The following COL6A3 variants were observed in gnomAD, a reference collection of about 807,000 sequenced individuals.
The protein encoded by COL6A3 is collagen alpha-3(VI) chain.
A neutral mutation model predicts 274.1 loss-of-function variants in COL6A3; 137 were observed. That is an observed-to-expected ratio of 0.50 (90% CI 0.44 to 0.58). The LOEUF is 0.58. COL6A3 is among the 20% of genes least tolerant of loss of function. The pLI is 0.00. For synonymous variants in COL6A3, 1,650 were observed against 1,650.6 expected, an observed-to-expected ratio of 1.00 and a Z score of 0.01; for missense variants, 3,950 against 4,124.9, an observed-to-expected ratio of 0.96 and a Z score of 1.16.
chr2:237,341,234 G>T, intron 37 of COL6A3, 84 bp from the exon 38 acceptor site: 2 of 1,324,032 alleles, frequency 1.5e-6, no homozygotes, highest in Non-Finnish European at 2.2e-6. Context: ...AGACTTGGGC[G>T]ATTAAAATGA....
chr2:237,394,783 G>A lies in COL6A3; in HGVS notation c.513C>T (p.Asn171=), dbSNP rs1205723503. ...CATCCTCAACTCCAATTGCAAACAC[G>A]TTAACATCAGCAGACTTAAGTTCCG... The part of the protein sequence containing the change: ...PSAELKSADV[N]VFAIGVEDAD... The change falls in exon 3 of 44, where the codon AAC becomes AAT. Residue 171 remains asparagine, a synonymous_variant. Coordinates refer to ENST00000295550, the MANE Select transcript of COL6A3 (RefSeq NM_004369.4). The A allele has an allele frequency of 1.7e-5, 28 of 1,614,030 alleles. No homozygotes were observed. Among genetic ancestry groups the A allele is most frequent in the East Asian group, 4.5e-5 (2 of 44,900 alleles).
chr2:237,394,662 T>C lies in COL6A3; in HGVS notation c.634A>G (p.Asn212Asp). Residue 212 changes from asparagine to aspartate, a missense_variant, in exon 3 of 44, where the codon AAC becomes GAC. By Grantham distance (23) the Asn-to-Asp change is conservative (BLOSUM62 1). Transcript: ENST00000295550. Reference protein sequence around the residue: ...NFTSLHDIVGNLVSCVHSSVS... With the variant: ...NFTSLHDIVGDLVSCVHSSVS... ...GATGAATGCACACAGGACACTAAGTTTCCTACTATGTCATGAAGTGAGGTA... is the reference window on the plus strand; with the variant it reads ...GATGAATGCACACAGGACACTAAGTCTCCTACTATGTCATGAAGTGAGGTA... The C allele has an allele frequency of 6.2e-7, 1 of 1,614,198 alleles. No individual in the cohort carries two copies. Among genetic ancestry groups the C allele is most frequent in the East Asian group, 2.2e-5 (1 of 44,882 alleles).
intron 39 of COL6A3, 40 bp from the exon 40 acceptor site, chr2:237,336,572 C>T: frequency 1.2e-6 from 2 of 1,601,894 alleles, no homozygotes; most frequent in East Asian, 2.2e-5. Context: ...CTTTTACCTG[C>T]TATCTAAAAT....
intron 1 of COL6A3, among the ~76,000 whole-genome samples, chr2:237,403,228 C>A (rs758118805): frequency 1.3e-5 from 2 of 152,100 alleles, no homozygotes; most frequent in Admixed American, 6.5e-5. Flanking sequence ...CCAAATCTTG[C>A]GGCCCAGCTA....
At chr2:237,354,826 T>C in intron 24 of COL6A3, 73 bp downstream of exon 24, 1 of 1,333,770 alleles carries the variant, frequency 7.5e-7, no homozygotes, top group Non-Finnish European at 1.0e-6. Flanking sequence ...GGAGAGAGTG[T>C]TTTTCACTCC....
intron 43 of COL6A3, among the ~76,000 whole-genome samples, chr2:237,325,202 A>G (rs1699877559): frequency 6.6e-6 from 1 of 152,254 alleles, no homozygotes; most frequent in South Asian, 2.1e-4. Context: ...TGTTATTTAT[A>G]GGAAGCAAAA....
At chr2:237,378,585 G>A (rs778222679) in intron 6 of COL6A3, 51 bp downstream of exon 6, 3 of 1,611,806 alleles carry the variant, frequency 1.9e-6, no homozygotes, top group East Asian at 2.2e-5. Context: ...CTACCCTCCA[G>A]GGTGGTGTCT....
intron 20 of COL6A3, 61 bp from the exon 21 acceptor site, chr2:237,358,644 A>G (rs1274453432): frequency 2.9e-6 from 4 of 1,392,290 alleles, no homozygotes; most frequent in Non-Finnish European, 4.1e-6. Context: ...TCTCACCCTA[A>G]AAATCACATT....
intron 4 of COL6A3, among the ~76,000 whole-genome samples, chr2:237,385,614 CAT>C (rs906471151): frequency 1.3e-5 from 2 of 152,206 alleles, no homozygotes; most frequent in African/African-American, 4.8e-5. Context: ...GTCTGCAAAA[CAT>C]AGGGAAATCT....
chr2:237,362,266 G>T (rs1460852610), intron 14 of COL6A3, among the ~76,000 whole-genome samples: 2 of 152,168 alleles, frequency 1.3e-5, no homozygotes, highest in Non-Finnish European at 2.9e-5. Context: ...TTGGAACCAG[G>T]GTGAGAGTCA....
At chr2:237,358,146 T>G (rs1490536020) in intron 21 of COL6A3, among the ~76,000 whole-genome samples, 2 of 152,186 alleles carry the variant, frequency 1.3e-5, no homozygotes, top group African/African-American at 4.8e-5. Context: ...TGCTTATCCT[T>G]GGCCACAGAG....
chr2:237,394,184 G>A (rs183806757), intron 3 of COL6A3, among the ~76,000 whole-genome samples: 8 of 152,288 alleles, frequency 5.3e-5, no homozygotes, highest in East Asian at 1.9e-4. Flanking sequence ...CCTCGCTCCC[G>A]TCTCAGTTCA....
chr2:237,388,198 A>C lies in COL6A3; in HGVS notation c.710-14T>G. On this transcript the variant is annotated splice_polypyrimidine_tract_variant and intron_variant, in intron 3 of 43. Coordinates refer to ENST00000295550, the MANE Select transcript of COL6A3 (RefSeq NM_004369.4). Reference sequence around the variant, plus strand: ...CAGAGTCTTGTGCTTTAAAAGAAAGAAATGCAAAAAATGTGAAAGCATTAG... The same window carrying C: ...CAGAGTCTTGTGCTTTAAAAGAAAGCAATGCAAAAAATGTGAAAGCATTAG... The C allele has an allele frequency of 6.2e-7, 1 of 1,613,782 alleles. No individual in the cohort carries two copies. The highest frequency in any genetic ancestry group is 2.2e-5 in the East Asian group (1 of 44,890).
At chr2:237,333,406 A>G (rs753308054) in intron 42 of COL6A3, 44 bp downstream of exon 42, 1 of 1,557,348 alleles carries the variant, frequency 6.4e-7, no homozygotes, top group Non-Finnish European at 8.9e-7. Context: ...CAAGATGGGT[A>G]TTTTCTTAGT....
chr2:237,348,543 A>T, intron 29 of COL6A3, 70 bp downstream of exon 29: 1 of 1,487,748 alleles, frequency 6.7e-7, no homozygotes, highest in East Asian at 2.3e-5. Context: ...TTAAAACACA[A>T]CACATCAGAA....
chr2:237,393,321 T>A (rs778372654), intron 3 of COL6A3, among the ~76,000 whole-genome samples: 20 of 152,176 alleles, frequency 1.3e-4, no homozygotes, highest in Non-Finnish European at 2.9e-5. Context: ...TCCTGAATGT[T>A]TTGTGACCCC....
At chr2:237,398,512 G>C (rs1042356880) in intron 1 of COL6A3, among the ~76,000 whole-genome samples, 5 of 152,160 alleles carry the variant, frequency 3.3e-5, no homozygotes, top group African/African-American at 1.2e-4. Context: ...GGGTCTTTCT[G>C]TCTAGGCTGA....
intron 1 of COL6A3, among the ~76,000 whole-genome samples, chr2:237,408,021 AACTGTGGTGTTCC>A (rs1297369130): frequency 6.6e-6 from 1 of 152,162 alleles, no homozygotes; most frequent in African/African-American, 2.4e-5. Flanking sequence ...ACCTTTCCAA[AACTGTGGTGTTCC>A]ACTGTAAATG....
chr2:237,336,490 T>A lies in COL6A3; in HGVS notation c.8610A>T (p.Pro2870=). 6.2e-7 allele frequency: 1 copy of A among 1,614,256 alleles called. No individual in the cohort carries two copies. ...TAGTCACCGGCTTCGTTGTCGTCAC[T>A]GGGTTGGATGTAGGACTTGAAGTAA... ...NNVTSSPTSN[P]VTTTKPVTTT... Residue 2870 remains proline (P), a synonymous_variant, in exon 40 of 44, where the codon CCA becomes CCT. Transcript: ENST00000295550.
Sources: gnomAD v4.1 joint callset for allele counts (sites outside exome capture counted in the v4.1 genomes callset) on GRCh38, gnomAD v4.1.1 for gene constraint, MANE v1.5 for transcripts, NCBI Gene and HGNC (gene_info 2026-07-23, HGNC 2026-07-21) for gene names.